The following SRFBP1 variants were observed in gnomAD, a reference collection of about 807,000 sequenced individuals.
The protein encoded by SRFBP1 is serum response factor-binding protein 1.
SRFBP1 carries 47 observed loss-of-function variants against 45.5 expected under a neutral mutation model. That is an observed-to-expected ratio of 1.03 (90% CI 0.82 to 1.32). The LOEUF (loss-of-function observed/expected upper bound fraction) is 1.32, where lower values mean the gene tolerates loss of function less well. Ranked by LOEUF, SRFBP1 falls within the 40% of genes most tolerant of loss-of-function variation. The pLI, the probability that SRFBP1 is intolerant of heterozygous loss-of-function variation, is 0.00. For missense variants in SRFBP1, 621 were observed against 484.6 expected, an observed-to-expected ratio of 1.28 and a Z score of -2.64; for synonymous variants, 203 against 166.3, an observed-to-expected ratio of 1.22 and a Z score of -1.70.
chr5:122,005,783 T>G (rs1752961003), intron 4 of SRFBP1, among the ~76,000 whole-genome samples: 1 of 152,146 alleles, frequency 6.6e-6, no homozygotes, highest in Non-Finnish European at 1.5e-5. Context: ...AGTGGCTACT[T>G]TGATCATATT....
At chr5:121,968,123 T>A (rs1030648106) in intron 1 of SRFBP1, among the ~76,000 whole-genome samples, 1 of 152,028 alleles carries the variant, frequency 6.6e-6, no homozygotes, top group African/African-American at 2.4e-5. Context: ...CATATTGTTT[T>A]ACAAATTATA....
chr5:122,054,700 T>C (rs1424292336), intron 2 of SRFBP1, among the ~76,000 whole-genome samples: 1 of 152,250 alleles, frequency 6.6e-6, no homozygotes, highest in East Asian at 1.9e-4. Flanking sequence ...TCTCTCAGCT[T>C]CCTTTCCTCC....
chr5:122,058,348 T>A (rs1754117599), intron 2 of SRFBP1, among the ~76,000 whole-genome samples: 1 of 152,182 alleles, frequency 6.6e-6, no homozygotes, highest in Non-Finnish European at 1.5e-5. Context: ...AATTTTTGTA[T>A]CTTTTACATA....
chr5:122,007,732 G>A (rs1245179601), intron 4 of SRFBP1, among the ~76,000 whole-genome samples: 1 of 151,756 alleles, frequency 6.6e-6, no homozygotes, highest in Non-Finnish European at 1.5e-5. Context: ...GAGCATCAGA[G>A]GCCAACCTGG....
intron 4 of SRFBP1, among the ~76,000 whole-genome samples, chr5:122,004,537 T>G (rs1167025313): frequency 6.6e-6 from 1 of 152,144 alleles, no homozygotes; most frequent in African/African-American, 2.4e-5. Context: ...TCATTTCTCA[T>G]TTTATTTATT....
intron 3 of SRFBP1, among the ~76,000 whole-genome samples, chr5:121,978,951 A>G (rs557673061): frequency 2.0e-5 from 3 of 152,078 alleles, no homozygotes; most frequent in Non-Finnish European, 2.9e-5. Flanking sequence ...CTTTTGTTCT[A>G]TTCTTCCCCT....
chr5:122,023,860 G>A (rs373638933), intron 7 of SRFBP1, among the ~76,000 whole-genome samples: 1 of 152,154 alleles, frequency 6.6e-6, no homozygotes, highest in African/African-American at 2.4e-5. Flanking sequence ...TTACCGTACT[G>A]AAAATTCTTT....
chr5:122,076,813 C>G, downstream of SRFBP1: 1 of 1,228,992 alleles, frequency 8.1e-7, no homozygotes, highest in Non-Finnish European at 1.2e-6. Flanking sequence ...CTGCGCGAAG[C>G]AGTAGCAGTC....
At chr5:122,000,097 ATTG>A (rs1223888713) in intron 4 of SRFBP1, among the ~76,000 whole-genome samples, 1 of 151,834 alleles carries the variant, frequency 6.6e-6, no homozygotes, top group Non-Finnish European at 1.5e-5. Context: ...ATATTTTATT[ATTG>A]TTTTTTAGTG....
intron 2 of SRFBP1, among the ~76,000 whole-genome samples, chr5:122,046,366 G>A (rs1158882537): frequency 2.0e-5 from 3 of 152,148 alleles, no homozygotes; most frequent in African/African-American, 7.2e-5. Flanking sequence ...TCCCTACAAA[G>A]GACATGAACT....
At chr5:121,968,366 C>CAA (rs920630716) in intron 1 of SRFBP1, among the ~76,000 whole-genome samples, 1 of 152,060 alleles carries the variant, frequency 6.6e-6, no homozygotes, top group East Asian at 1.9e-4. Flanking sequence ...TTATGCTACT[C>CAA]AGAGTGGTGC....
intron 1 of SRFBP1, among the ~76,000 whole-genome samples, chr5:121,966,585 A>G (rs927099350): frequency 6.6e-6 from 1 of 152,214 alleles, no homozygotes; most frequent in Non-Finnish European, 1.5e-5. Flanking sequence ...CAACAGTGCC[A>G]TAGCATTTAG....
At chr5:122,037,677 CTT>C (rs369460259) in intron 2 of SRFBP1, among the ~76,000 whole-genome samples, 3 of 145,840 alleles carry the variant, frequency 2.1e-5, no homozygotes, top group Admixed American at 6.9e-5. Flanking sequence ...ATTTTGTATT[CTT>C]TTTTTTTTTT....
At chr5:122,049,022 G>A (rs1213453611) in intron 2 of SRFBP1, among the ~76,000 whole-genome samples, 2 of 148,906 alleles carry the variant, frequency 1.3e-5, no homozygotes, top group East Asian at 1.9e-4. Context: ...ATTTTTTGAA[G>A]GGTTTTTTTG....
At chr5:122,049,426 A>G (rs993135913) in intron 2 of SRFBP1, among the ~76,000 whole-genome samples, 2 of 152,066 alleles carry the variant, frequency 1.3e-5, no homozygotes, top group African/African-American at 4.8e-5. Context: ...CAATAATAAT[A>G]GGAGACTTTA....
At chr5:122,031,597 T>G (rs1173741862), downstream of SRFBP1, among the ~76,000 whole-genome samples, 2 of 152,182 alleles carry the variant, frequency 1.3e-5, no homozygotes, top group Non-Finnish European at 1.5e-5. Flanking sequence ...CACTGTCAGA[T>G]GTACCAACAT....
chr5:122,000,309 T>G (rs1029865700), intron 4 of SRFBP1, among the ~76,000 whole-genome samples: 5 of 152,100 alleles, frequency 3.3e-5, no homozygotes, highest in African/African-American at 1.2e-4. Context: ...GCTTTGAACA[T>G]TTGAACATTC....
chr5:122,039,210 G>A (rs926751542), intron 2 of SRFBP1, among the ~76,000 whole-genome samples: 3 of 152,088 alleles, frequency 2.0e-5, no homozygotes, highest in African/African-American at 7.2e-5. Context: ...ATCCTAATAT[G>A]CTGGGCCTGG....
At chr5:121,973,345 A>G (rs1396243909) in intron 1 of SRFBP1, among the ~76,000 whole-genome samples, 3 of 151,868 alleles carry the variant, frequency 2.0e-5, no homozygotes, top group Non-Finnish European at 4.4e-5. Flanking sequence ...ACTATATCTG[A>G]ACCTGAATTT....
Sources: allele counts gnomAD v4.1 joint callset (sites outside exome capture counted in the v4.1 genomes callset), GRCh38; gene constraint gnomAD v4.1.1; transcripts MANE v1.5; gene names NCBI Gene and HGNC (gene_info 2026-07-23, HGNC 2026-07-21).